The following PIK3C2G variants were observed in gnomAD, a reference collection of about 807,000 sequenced individuals.
The protein encoded by PIK3C2G is phosphatidylinositol 3-kinase C2 domain-containing subunit gamma.
In PIK3C2G, 168 loss-of-function variants were observed where a neutral mutation model predicts 181.1. That is an observed-to-expected ratio of 0.93 (90% CI 0.82 to 1.05). The LOEUF (loss-of-function observed/expected upper bound fraction) is 1.05. PIK3C2G is among the 50% of genes least tolerant of loss of function. PIK3C2G has a pLI of 0.00. For synonymous variants in PIK3C2G, 573 were observed against 592.2 expected (o/e 0.97, Z 0.47); for missense variants, 1,869 against 1,732.8 (o/e 1.08, Z -1.40).
the PIK3C2G span, among the ~76,000 whole-genome samples, chr12:18,725,600 G>A: frequency 3.6e-3 from 541 of 152,174 alleles, 4 homozygotes; most frequent in African/African-American, 0.013. Context: ...TACCTCCTTT[G>A]TCTTCAAGAC....
At chr12:18,531,157 A>G (rs1943533299) in intron 24 of PIK3C2G, among the ~76,000 whole-genome samples, 1 of 152,054 alleles carries the variant, frequency 6.6e-6, no homozygotes. Flanking sequence ...TTACCAAAAG[A>G]TTGATTTCCC....
the PIK3C2G span, among the ~76,000 whole-genome samples, chr12:18,673,744 G>A: frequency 6.6e-6 from 1 of 152,126 alleles, no homozygotes; most frequent in Non-Finnish European, 1.5e-5. Flanking sequence ...TTCTCATCAG[G>A]GGAAGGATCC....
chr12:18,641,439 AG>A (rs1316146309), intron 32 of PIK3C2G, among the ~76,000 whole-genome samples: 2 of 152,024 alleles, frequency 1.3e-5, no homozygotes, highest in South Asian at 2.1e-4. Flanking sequence ...TACTGACCAC[AG>A]CCCCATTCCT....
At chr12:18,509,751 G>C (rs141552818) in intron 24 of PIK3C2G, among the ~76,000 whole-genome samples, 76 of 152,220 alleles carry the variant, frequency 5.0e-4, no homozygotes, top group African/African-American at 1.7e-3. Context: ...GATTATGAAG[G>C]ATTTCACATC....
the PIK3C2G span, among the ~76,000 whole-genome samples, chr12:18,657,663 T>C: frequency 6.6e-6 from 1 of 152,132 alleles, no homozygotes; most frequent in Non-Finnish European, 1.5e-5. Flanking sequence ...GAGAAGGCAC[T>C]AAACAAACAA....
intron 31 of PIK3C2G, among the ~76,000 whole-genome samples, chr12:18,614,863 A>G (rs894455988): frequency 3.9e-5 from 6 of 152,104 alleles, no homozygotes; most frequent in Admixed American, 3.9e-4. Context: ...CCCTCTGCTT[A>G]CCACTGAAAC....
At chr12:18,333,028 A>T (rs1938144205) in intron 8 of PIK3C2G, among the ~76,000 whole-genome samples, 1 of 152,100 alleles carries the variant, frequency 6.6e-6, no homozygotes, top group Admixed American at 6.5e-5. Context: ...GCCTTTAAAA[A>T]ATCTGTTAAA....
At chr12:18,269,036 A>C (rs192097533) in intron 1 of PIK3C2G, among the ~76,000 whole-genome samples, 13 of 151,954 alleles carry the variant, frequency 8.6e-5, no homozygotes, top group African/African-American at 2.9e-4. Flanking sequence ...TCAGCCTCCC[A>C]GGTAGCTGGG....
intron 5 of PIK3C2G, among the ~76,000 whole-genome samples, chr12:18,306,787 C>G (rs898211880): frequency 6.6e-6 from 1 of 151,916 alleles, no homozygotes; most frequent in Non-Finnish European, 1.5e-5. Flanking sequence ...AGCTTAGTTA[C>G]TGAATTTTCT....
chr12:18,719,314 A>T, the PIK3C2G span: 4 of 527,100 alleles, frequency 7.6e-6, no homozygotes, highest in Non-Finnish European at 1.2e-5. Flanking sequence ...ATTCCCTATG[A>T]GTTTGGATAA....
chr12:18,344,242 A>C (rs928116244), intron 10 of PIK3C2G, among the ~76,000 whole-genome samples: 1 of 152,076 alleles, frequency 6.6e-6, no homozygotes, highest in South Asian at 2.1e-4. Flanking sequence ...GCAAATGAAA[A>C]CCTAACCTGC....
At chr12:18,723,177 A>C in the PIK3C2G span, 1 of 720,144 alleles carries the variant, frequency 1.4e-6, no homozygotes, top group Non-Finnish European at 2.3e-6. Context: ...TTTCTCAAAG[A>C]TATTTGACCC....
chr12:18,644,631 T>C (rs1052589385), intron 32 of PIK3C2G, among the ~76,000 whole-genome samples: 8 of 152,140 alleles, frequency 5.3e-5, no homozygotes, highest in Non-Finnish European at 1.2e-4. Flanking sequence ...TTATCTGTGT[T>C]ATAATATTAT....
intron 29 of PIK3C2G, among the ~76,000 whole-genome samples, chr12:18,581,755 A>C (rs555507007): frequency 2.0e-4 from 30 of 152,322 alleles, no homozygotes; most frequent in Non-Finnish European, 3.7e-4. Context: ...AATACTGATA[A>C]TGCAGTTGTC....
chr12:18,581,157 G>A (rs926116903), intron 29 of PIK3C2G, among the ~76,000 whole-genome samples: 1 of 152,106 alleles, frequency 6.6e-6, no homozygotes, highest in Non-Finnish European at 1.5e-5. Context: ...AACATAATTG[G>A]CAAACAAAGT....
At chr12:18,378,596 G>C (rs1250185564) in intron 13 of PIK3C2G, among the ~76,000 whole-genome samples, 1 of 151,948 alleles carries the variant, frequency 6.6e-6, no homozygotes, top group Non-Finnish European at 1.5e-5. Context: ...CAGAATGGGA[G>C]AAAATTTTTG....
At chr12:18,542,551 C>G (rs892176657) in intron 25 of PIK3C2G, among the ~76,000 whole-genome samples, 2 of 151,724 alleles carry the variant, frequency 1.3e-5, no homozygotes, top group Non-Finnish European at 2.9e-5. Flanking sequence ...TGCTTCTCAC[C>G]CTCCTCCTAC....
At chr12:18,371,071 A>G in intron 12 of PIK3C2G, 109 bp from the exon 13 acceptor site, 1 of 865,510 alleles carries the variant, frequency 1.2e-6, no homozygotes. Context: ...GGCAGCCTCA[A>G]TTCAAATAGT....
chr12:18,701,639 C>T, the PIK3C2G span: 1 of 1,572,560 alleles, frequency 6.4e-7, no homozygotes, highest in Non-Finnish European at 8.6e-7. Context: ...CCTCCTCCTC[C>T]TCCTCCTCCT....
Sources: allele counts gnomAD v4.1 joint callset (sites outside exome capture counted in the v4.1 genomes callset), GRCh38; gene constraint gnomAD v4.1.1; transcripts MANE v1.5; gene names NCBI Gene and HGNC (gene_info 2026-07-23, HGNC 2026-07-21).